Variants in TTC28 observed in about 807,000 individuals in gnomAD.
TTC28 encodes the protein tetratricopeptide repeat protein 28.
In TTC28, 61 loss-of-function variants were observed where a neutral mutation model predicts 198.0. The ratio of observed to expected loss-of-function variants is 0.31; its 90% CI spans 0.25 to 0.38. TTC28 has a LOEUF of 0.38. Among genes scored for constraint, TTC28 ranks in the 10% least tolerant of loss-of-function variants. The probability of loss-of-function intolerance (pLI) is 1.00; values close to 1 mark genes in which losing one functional copy is unlikely to be tolerated. For synonymous variants in TTC28, 1,171 were observed against 1,297.8 expected (o/e 0.90, Z 2.10); for missense variants, 2,678 against 3,164.0 (o/e 0.85, Z 3.69).
chr22:28,236,726 T>C (rs1225983747), intron 5 of TTC28, among the ~76,000 whole-genome samples: 2 of 152,144 alleles, frequency 1.3e-5, no homozygotes, highest in African/African-American at 2.4e-5. Context: ...AATTATTATC[T>C]CAACACTTTA....
chr22:28,490,722 A>ATGTTGT (rs2048365871), intron 2 of TTC28, among the ~76,000 whole-genome samples: 1 of 152,192 alleles, frequency 6.6e-6, no homozygotes, highest in African/African-American at 2.4e-5. Flanking sequence ...AGGCCTGACA[A>ATGTTGT]CAGCCTCAGG....
chr22:28,271,459 G>A (rs1272727509), intron 5 of TTC28, among the ~76,000 whole-genome samples: 1 of 152,098 alleles, frequency 6.6e-6, no homozygotes, highest in Admixed American at 6.6e-5. Context: ...GTAGTTGTAT[G>A]GTTTGGCTGT....
intron 2 of TTC28, among the ~76,000 whole-genome samples, chr22:28,338,769 T>C (rs1389487260): frequency 6.6e-6 from 1 of 152,216 alleles, no homozygotes; most frequent in Non-Finnish European, 1.5e-5. Flanking sequence ...TTTAACTTCT[T>C]TGCCATGGGT....
intron 2 of TTC28, among the ~76,000 whole-genome samples, chr22:28,425,248 ACT>A (rs895266113): frequency 6.6e-6 from 1 of 152,198 alleles, no homozygotes; most frequent in African/African-American, 2.4e-5. Flanking sequence ...ACCTGTCAGA[ACT>A]CTGTTTTCCT....
At chr22:28,381,130 T>A (rs2046487303) in intron 2 of TTC28, among the ~76,000 whole-genome samples, 1 of 148,320 alleles carries the variant, frequency 6.7e-6, no homozygotes, top group Non-Finnish European at 1.5e-5. Flanking sequence ...TTCCATCACA[T>A]TCTCAAAAAA....
chr22:28,363,859 T>C (rs2046199551), intron 2 of TTC28, among the ~76,000 whole-genome samples: 1 of 152,208 alleles, frequency 6.6e-6, no homozygotes, highest in Admixed American at 6.5e-5. Context: ...TTGGAATGGC[T>C]GTATTTTACC....
chr22:28,042,581 G>T (rs921888996), intron 12 of TTC28, among the ~76,000 whole-genome samples: 2 of 152,114 alleles, frequency 1.3e-5, no homozygotes, highest in East Asian at 3.8e-4. Context: ...GGGCTTGTCA[G>T]GGGGTGGGGG....
rs182212341 is a variant in TTC28, at chr22:28,133,137, C to T, written c.1442-24734G>A. Among the ~76,000 whole-genome samples, 142 of 152,294 alleles carry T rather than the reference C, an allele frequency of 9.3e-4. 1 individual carries two copies. The highest frequency in any genetic ancestry group is 3.2e-3 in the African/African-American group (135 of 41,576). On this transcript the variant is annotated intron_variant, in intron 6 of 22. Transcript: ENST00000397906. ...ACTCAGGAGGCTGAGGCAGGAGAAT[C>T]GCTTGAAACCAGAAGTTGGAGGTTG... is the stretch of plus-strand genomic sequence containing the variant.
Position 28,098,946 on chromosome 22 carries a change from G to A in TTC28, c.3516C>T (p.Tyr1172=). 6.4e-7 allele frequency: 1 copy of A among 1,551,762 alleles called. No individual in the cohort carries two copies. The highest frequency in any genetic ancestry group is 2.4e-5 in the East Asian group (1 of 40,908). ...TGACGAGCACCCGCTGCAAGGCCTGGTAGGATGATGTCTGCAGGTCAAAGA... is the reference window on the plus strand; with the variant it reads ...TGACGAGCACCCGCTGCAAGGCCTGATAGGATGATGTCTGCAGGTCAAAGA... The part of the protein sequence containing the change: ...LSLFDLQTSS[Y]QALQRVLVSL... Residue 1172 remains tyrosine, a synonymous_variant, in exon 10 of 23, where the codon TAC becomes TAT. Coordinates refer to ENST00000397906, the MANE Select transcript of TTC28 (RefSeq NM_001145418.2).
intron 2 of TTC28, among the ~76,000 whole-genome samples, chr22:28,384,224 T>G (rs2046539251): frequency 6.6e-6 from 1 of 152,210 alleles, no homozygotes; most frequent in Admixed American, 6.5e-5. Context: ...CACTCTTTTT[T>G]TTTAAACATT....
intron 16 of TTC28, chr22:27,996,517 G>A (rs542782491): frequency 5.6e-5 from 26 of 462,862 alleles, no homozygotes; most frequent in East Asian, 2.1e-4. Context: ...GAAAGGAGCC[G>A]AGGGAAGTGC....
chr22:28,363,053 T>C (rs1424852592), intron 2 of TTC28, among the ~76,000 whole-genome samples: 1 of 152,110 alleles, frequency 6.6e-6, no homozygotes, highest in Non-Finnish European at 1.5e-5. Context: ...GTAACAAGGA[T>C]CTGAATGTTA....
chr22:28,191,373 G>A (rs1924729369), intron 5 of TTC28, among the ~76,000 whole-genome samples: 1 of 152,238 alleles, frequency 6.6e-6, no homozygotes, highest in Non-Finnish European at 1.5e-5. Flanking sequence ...CAACACAGAA[G>A]ACGGGTGATT....
At chr22:28,072,462 T>C (rs1324408248) in intron 12 of TTC28, among the ~76,000 whole-genome samples, 1 of 152,202 alleles carries the variant, frequency 6.6e-6, no homozygotes, top group African/African-American at 2.4e-5. Context: ...ATCTGTATTA[T>C]TGAACTAGTT....
chr22:28,216,411 A>T (rs134169), intron 5 of TTC28, among the ~76,000 whole-genome samples: 21,237 of 152,180 alleles, frequency 0.14, 1,889 homozygotes, highest in East Asian at 0.27. Context: ...TTCATTAATA[A>T]GTCTAACTCT....
intron 21 of TTC28, among the ~76,000 whole-genome samples, chr22:27,989,080 G>A (rs770074761): frequency 2.6e-5 from 4 of 152,206 alleles, no homozygotes; most frequent in Non-Finnish European, 4.4e-5. Flanking sequence ...GCCCCTAAGT[G>A]GGGCAGGAGG....
intron 5 of TTC28, among the ~76,000 whole-genome samples, chr22:28,283,384 T>C (rs2044621926): frequency 6.6e-6 from 1 of 152,042 alleles, no homozygotes; most frequent in Non-Finnish European, 1.5e-5. Flanking sequence ...GTTAGCATTA[T>C]TGCAAATTAT....
intron 5 of TTC28, among the ~76,000 whole-genome samples, chr22:28,186,294 T>C (rs974132882): frequency 6.6e-6 from 1 of 152,158 alleles, no homozygotes; most frequent in Non-Finnish European, 1.5e-5. Context: ...TGCATGTTAT[T>C]TGATTAATAG....
At chr22:28,268,426 G>T (rs1250768740) in intron 5 of TTC28, among the ~76,000 whole-genome samples, 1 of 152,144 alleles carries the variant, frequency 6.6e-6, no homozygotes, top group Non-Finnish European at 1.5e-5. Flanking sequence ...TTTTCATCTA[G>T]GTCACTGAAA....
Sources: gnomAD v4.1 joint callset for allele counts (sites outside exome capture counted in the v4.1 genomes callset) on GRCh38, gnomAD v4.1.1 for gene constraint, MANE v1.5 for transcripts, NCBI Gene and HGNC (gene_info 2026-07-23, HGNC 2026-07-21) for gene names.